The following HEMK2 variants were observed in gnomAD, a reference collection of about 807,000 sequenced individuals.
HEMK2 encodes the protein methyltransferase HEMK2.
the HEMK2 span, among the ~76,000 whole-genome samples, chr21:28,682,308 C>T: frequency 1.3e-5 from 2 of 151,886 alleles, no homozygotes; most frequent in Non-Finnish European, 2.9e-5. Flanking sequence ...AAAATGCTCA[C>T]CATCACTGGC....
At chr21:28,819,195 T>C in the HEMK2 span, among the ~76,000 whole-genome samples, 1 of 152,096 alleles carries the variant, frequency 6.6e-6, no homozygotes, top group Admixed American at 6.5e-5. Flanking sequence ...ATGGGTATTG[T>C]TGGATACCCA....
chr21:28,863,088 G>A, the HEMK2 span, among the ~76,000 whole-genome samples: 1 of 152,092 alleles, frequency 6.6e-6, no homozygotes, highest in African/African-American at 2.4e-5. Context: ...TCCTGGGTGT[G>A]TCTCTGAGGG....
chr21:28,783,920 C>T, the HEMK2 span, among the ~76,000 whole-genome samples: 58 of 152,338 alleles, frequency 3.8e-4, no homozygotes, highest in Admixed American at 5.2e-4. Flanking sequence ...GCAGAGGGTG[C>T]GCCAGGTCCC....
the HEMK2 span, among the ~76,000 whole-genome samples, chr21:28,731,171 G>A: frequency 2.6e-5 from 4 of 152,146 alleles, no homozygotes; most frequent in Non-Finnish European, 2.9e-5. Flanking sequence ...TTTTCAAATC[G>A]AAAGGAGCAT....
chr21:28,858,110 G>T, the HEMK2 span, among the ~76,000 whole-genome samples: 2 of 152,162 alleles, frequency 1.3e-5, no homozygotes, highest in African/African-American at 2.4e-5. Context: ...ATTTGAATAT[G>T]TCTCTTATCT....
At chr21:28,605,707 T>A in the HEMK2 span, among the ~76,000 whole-genome samples, 1 of 152,238 alleles carries the variant, frequency 6.6e-6, no homozygotes, top group Non-Finnish European at 1.5e-5. Context: ...TATGTGTATC[T>A]GTGTGAGTTA....
the HEMK2 span, among the ~76,000 whole-genome samples, chr21:28,750,277 T>C: frequency 6.6e-6 from 1 of 152,254 alleles, no homozygotes; most frequent in Non-Finnish European, 1.5e-5. Flanking sequence ...ATTTAATTTT[T>C]AGCTGTAAGT....
At chr21:28,767,138 C>CCTT in the HEMK2 span, among the ~76,000 whole-genome samples, 1 of 152,020 alleles carries the variant, frequency 6.6e-6, no homozygotes, top group Non-Finnish European at 1.5e-5. Flanking sequence ...TTCCCCTGCA[C>CCTT]AAGTGCTCCT....
chr21:28,879,893 A>AG, the HEMK2 span: 2 of 1,599,570 alleles, frequency 1.3e-6, no homozygotes, highest in Admixed American at 1.7e-5. Context: ...GTCACTACAT[A>AG]GGGGGGATTA....
the HEMK2 span, among the ~76,000 whole-genome samples, chr21:28,686,256 T>C: frequency 1.3e-5 from 2 of 152,080 alleles, no homozygotes; most frequent in Non-Finnish European, 2.9e-5. Context: ...TTTTTTGAGA[T>C]GGCGTTGTGC....
chr21:28,885,146 C>A, the HEMK2 span: 1 of 1,468,206 alleles, frequency 6.8e-7, no homozygotes, highest in Non-Finnish European at 9.1e-7. Context: ...CGTTCCGGCC[C>A]TCCTCCACCG....
the HEMK2 span, among the ~76,000 whole-genome samples, chr21:28,666,689 T>C: frequency 7.2e-5 from 11 of 152,078 alleles, no homozygotes. Context: ...GAGCAAAAGG[T>C]AGAAGGGTAA....
At chr21:28,640,237 G>A in the HEMK2 span, among the ~76,000 whole-genome samples, 1 of 152,174 alleles carries the variant, frequency 6.6e-6, no homozygotes, top group African/African-American at 2.4e-5. Context: ...GACGCAAGTA[G>A]GAAGCACTTT....
the HEMK2 span, among the ~76,000 whole-genome samples, chr21:28,676,319 TCTC>T: frequency 2.0e-5 from 3 of 152,028 alleles, no homozygotes; most frequent in African/African-American, 7.3e-5. Flanking sequence ...TACGTTCTAA[TCTC>T]CTCATTTTGT....
the HEMK2 span, among the ~76,000 whole-genome samples, chr21:28,639,848 A>G: frequency 2.6e-4 from 39 of 152,206 alleles, no homozygotes; most frequent in African/African-American, 9.4e-4. Flanking sequence ...AAATCTGTCA[A>G]AACTTGTGCC....
At chr21:28,843,424 T>A in the HEMK2 span, among the ~76,000 whole-genome samples, 6 of 152,122 alleles carry the variant, frequency 3.9e-5, no homozygotes, top group African/African-American at 1.4e-4. Flanking sequence ...TCCCTTGACA[T>A]GTGGTGATTA....
chr21:28,695,678 G>T, the HEMK2 span, among the ~76,000 whole-genome samples: 3 of 151,900 alleles, frequency 2.0e-5, no homozygotes, highest in Middle Eastern at 3.2e-3. Context: ...GTGAGATTTG[G>T]GTAGGGACAC....
chr21:28,755,926 A>G, the HEMK2 span, among the ~76,000 whole-genome samples: 2,094 of 152,328 alleles, frequency 0.014, 24 homozygotes, highest in Middle Eastern at 0.024. Flanking sequence ...TAAAGGATAT[A>G]TTCTAGCACA....
chr21:28,861,260 AG>A, the HEMK2 span, among the ~76,000 whole-genome samples: 1 of 152,220 alleles, frequency 6.6e-6, no homozygotes, highest in African/African-American at 2.4e-5. Flanking sequence ...CAACTATCAA[AG>A]GCAAGGTGGG....
Sources: gnomAD v4.1 joint callset for allele counts (sites outside exome capture counted in the v4.1 genomes callset) on GRCh38, gnomAD v4.1.1 for gene constraint, MANE v1.5 for transcripts, NCBI Gene and HGNC (gene_info 2026-07-23, HGNC 2026-07-21) for gene names.